The following KANSL1 variants were observed in gnomAD, a reference collection of about 807,000 sequenced individuals.
The protein encoded by KANSL1 is KAT8 regulatory NSL complex subunit 1.
A neutral mutation model predicts 103.6 loss-of-function variants in KANSL1; 22 were observed. The ratio of observed to expected loss-of-function variants is 0.21; its 90% CI spans 0.15 to 0.30. KANSL1 has a LOEUF of 0.30. Ranked by LOEUF, KANSL1 falls within the 10% of genes least tolerant of loss-of-function variation. The pLI is 1.00. For synonymous variants in KANSL1, 600 were observed against 527.6 expected (o/e 1.14, Z -1.88); for missense variants, 1,337 against 1,399.8 (o/e 0.96, Z 0.72).
At chr17:46,070,971 T>TA (rs1568414577) in intron 4 of KANSL1, among the ~76,000 whole-genome samples, 4 of 152,180 alleles carry the variant, frequency 2.6e-5, no homozygotes, top group African/African-American at 9.7e-5. Context: ...CATTTATCTT[T>TA]CTTATACAAA....
chr17:46,186,230 A>AT (rs1264793322), intron 1 of KANSL1, among the ~76,000 whole-genome samples: 1 of 151,874 alleles, frequency 6.6e-6, no homozygotes, highest in Non-Finnish European at 1.5e-5. Flanking sequence ...AAAAAAAAAA[A>AT]AAATTAGCTG....
At position 46,096,311 on chromosome 17, in the gene KANSL1, C is replaced by CTTTTTTTTTTTT. The variant is rs71138525; in HGVS notation, c.1290-1622_1290-1611dup. Among the ~76,000 whole-genome samples the CTTTTTTTTTTTT allele has an allele frequency of 5.9e-4, 45 of 76,382 alleles. 2 individuals are homozygous for CTTTTTTTTTTTT. Among genetic ancestry groups the CTTTTTTTTTTTT allele is most frequent in the East Asian group, 1.9e-3 (4 of 2,070 alleles). The allele number at this position is 76,382 out of a possible 152,430, so 50.1% of individuals were successfully genotyped here. ...CATACTACATACCTGGCTTTTTTTT[C>CTTTTTTTTTTTT]TTTTTTTTTTTTTTTTTTTTTGAGA... is the stretch of plus-strand genomic sequence containing the variant. On this transcript the variant is annotated intron_variant, in intron 2 of 14. Coordinates refer to ENST00000432791, the MANE Select transcript of KANSL1 (RefSeq NM_015443.4).
At chr17:46,036,499 T>C (rs1188671601) in intron 10 of KANSL1, among the ~76,000 whole-genome samples, 1 of 152,248 alleles carries the variant, frequency 6.6e-6, no homozygotes, top group East Asian at 1.9e-4. Context: ...CAGCATACTA[T>C]TTTTATAGCA....
At chr17:46,224,087 C>G (rs2048610972), upstream of KANSL1, among the ~76,000 whole-genome samples, 1 of 152,110 alleles carries the variant, frequency 6.6e-6, no homozygotes, top group Non-Finnish European at 1.5e-5. Flanking sequence ...AAGTAATTTT[C>G]CAGGGTACTT....
chr17:46,166,272 G>A (rs576363423), intron 2 of KANSL1, among the ~76,000 whole-genome samples: 1 of 151,382 alleles, frequency 6.6e-6, no homozygotes, highest in South Asian at 2.1e-4. Context: ...AGCACTGTGG[G>A]AGGCCAAGGC....
intron 2 of KANSL1, among the ~76,000 whole-genome samples, chr17:46,116,686 ACTTTT>A (rs2043062078): frequency 1.4e-5 from 2 of 143,552 alleles, no homozygotes; most frequent in African/African-American, 5.8e-5. Context: ...GGTTCCCTTT[ACTTTT>A]AAGTGCAATG....
chr17:46,148,563 C>T (rs1022575901), intron 2 of KANSL1, among the ~76,000 whole-genome samples: 1 of 152,000 alleles, frequency 6.6e-6, no homozygotes, highest in Non-Finnish European at 1.5e-5. Flanking sequence ...CCTCTTCTAA[C>T]CCAAATCACC....
intron 1 of KANSL1, 89 bp from the exon 2 acceptor site, chr17:46,172,321 G>T: frequency 1.5e-6 from 1 of 674,784 alleles, no homozygotes; most frequent in Non-Finnish European, 2.4e-6. Flanking sequence ...TGAGGCTGTT[G>T]TCTAAACTGC....
intron 2 of KANSL1, among the ~76,000 whole-genome samples, chr17:46,144,960 TCAC>T (rs1356694099): frequency 2.0e-5 from 3 of 152,346 alleles, no homozygotes; most frequent in African/African-American, 7.2e-5. Flanking sequence ...TTTTAAAAGT[TCAC>T]CAGGAGTTGG....
At chr17:46,125,081 GGAGAGAGGGAGGGAGGGAGA>G (rs2043482815) in intron 2 of KANSL1, among the ~76,000 whole-genome samples, 2 of 23,620 alleles carry the variant, frequency 8.5e-5, no homozygotes, top group Non-Finnish European at 2.6e-4. Flanking sequence ...AGGGAGGGAG[GGAGAGAGGGAGGGAGGGAGA>G]GAGGGAGGGA....
At chr17:46,058,741 ACACTCTCTCTCTCTCTCT>A (rs776707463) in intron 6 of KANSL1, among the ~76,000 whole-genome samples, 528 of 73,534 alleles carry the variant, frequency 7.2e-3, no homozygotes, top group South Asian at 0.014. Flanking sequence ...ACACACACAC[ACACTCTCTCTCTCTCTCT>A]CTCTCTCTCT....
chr17:46,149,778 C>T (rs548006539), intron 2 of KANSL1, among the ~76,000 whole-genome samples: 21 of 151,724 alleles, frequency 1.4e-4, no homozygotes, highest in Non-Finnish European at 1.0e-4. Flanking sequence ...GAGGCCATGG[C>T]GGGTGGATCA....
chr17:46,056,661 CA>C (rs2077942761), intron 6 of KANSL1, among the ~76,000 whole-genome samples: 1 of 152,186 alleles, frequency 6.6e-6, no homozygotes, highest in Non-Finnish European at 1.5e-5. Context: ...AGCTTCTTAA[CA>C]CTGTATAATA....
chr17:46,098,264 T>C (rs1214770581), intron 2 of KANSL1, among the ~76,000 whole-genome samples: 1 of 151,770 alleles, frequency 6.6e-6, no homozygotes, highest in Non-Finnish European at 1.5e-5. Context: ...TCCTGCAAAA[T>C]CTTTTGGATT....
chr17:46,094,758 T>TG (rs992099714), intron 2 of KANSL1, 57 bp from the exon 3 acceptor site: 19 of 1,598,658 alleles, frequency 1.2e-5, no homozygotes, highest in East Asian at 8.9e-5. Context: ...TATACCAGAT[T>TG]GGGGGGTGGG....
At chr17:46,148,899 T>TA (rs202016754) in intron 2 of KANSL1, among the ~76,000 whole-genome samples, 29,126 of 138,616 alleles carry the variant, frequency 0.21, 1,950 homozygotes, top group East Asian at 0.47. Flanking sequence ...TGCTTACACT[T>TA]AAAAAAAAAA....
chr17:46,187,251 T>C (rs1349240170), intron 1 of KANSL1, among the ~76,000 whole-genome samples: 1 of 152,242 alleles, frequency 6.6e-6, no homozygotes, highest in Non-Finnish European at 1.5e-5. Context: ...CTCTTTTTTA[T>C]TCCCTAATAC....
chr17:46,173,114 A>G (rs1197285457), intron 1 of KANSL1, among the ~76,000 whole-genome samples: 1 of 152,200 alleles, frequency 6.6e-6, no homozygotes, highest in Non-Finnish European at 1.5e-5. Flanking sequence ...GAAGCACTGG[A>G]CAATACCGAC....
In KANSL1 at chr17:46,030,147, GTTTT is replaced by G. The variant is rs71665335; in HGVS notation, c.*1325_*1328del. ...TTTTTTTTTTCCATTTTTTGTTTTT[GTTTT>G]TTTTTTCAATGCTAAAAGGGTTATT... On this transcript the variant is annotated 3_prime_UTR_variant, in exon 15 of 15. Coordinates refer to ENST00000432791, the MANE Select transcript of KANSL1 (RefSeq NM_015443.4). 1.4e-5 allele frequency: 2 copies of G among 141,958 alleles called. No homozygotes were observed. Among genetic ancestry groups the G allele is most frequent in the East Asian group, 4.2e-4 (2 of 4,814 alleles). 8.8% of individuals were successfully genotyped at this position (141,958 alleles called of 1,614,324 possible).
Sources: allele counts gnomAD v4.1 joint callset (sites outside exome capture counted in the v4.1 genomes callset), GRCh38; gene constraint gnomAD v4.1.1; transcripts MANE v1.5; gene names NCBI Gene and HGNC (gene_info 2026-07-23, HGNC 2026-07-21).